MACROD2: variants seen among roughly 807,000 people sequenced by gnomAD.
MACROD2 encodes mono-ADP ribosylhydrolase 2.
MACROD2 carries 36 observed loss-of-function variants against 70.4 expected under a neutral mutation model. That is an observed-to-expected ratio of 0.51 (90% CI 0.39 to 0.68). The LOEUF (loss-of-function observed/expected upper bound fraction) is 0.68. Ranked by LOEUF, MACROD2 falls within the 30% of genes least tolerant of loss-of-function variation. The probability of loss-of-function intolerance (pLI) is 0.00; values close to 1 mark genes in which losing one functional copy is unlikely to be tolerated. For synonymous variants in MACROD2, 172 were observed against 178.8 expected, an observed-to-expected ratio of 0.96 and a Z score of 0.30; for missense variants, 496 against 538.4, an observed-to-expected ratio of 0.92 and a Z score of 0.78.
In MACROD2 at chr20:14,994,120, A is replaced by G. The variant is rs115723169; in HGVS notation, c.419-235820A>G. On this transcript the variant is annotated intron_variant, in intron 5 of 17. Coordinates refer to ENST00000684519, the MANE Select transcript of MACROD2 (RefSeq NM_001351661.2). ...TACATACACAGACATGCCTACATGC[A>G]TGCATATGTGTGTACACATACATGT... Among the ~76,000 whole-genome samples the G allele has an allele frequency of 9.6e-3, 1,467 of 152,270 alleles. 25 individuals are homozygous for G. The highest frequency in any genetic ancestry group is 0.034 in the African/African-American group (1,392 of 41,544).
intron 4 of MACROD2, among the ~76,000 whole-genome samples, chr20:14,640,984 A>T (rs1275441737): frequency 6.6e-6 from 1 of 152,192 alleles, no homozygotes; most frequent in Non-Finnish European, 1.5e-5. Context: ...TCCTTTTATG[A>T]AAGATTTATC....
chr20:14,298,473 C>T (rs1170248321), intron 3 of MACROD2, among the ~76,000 whole-genome samples: 1 of 150,796 alleles, frequency 6.6e-6, no homozygotes, highest in Non-Finnish European at 1.5e-5. Context: ...GAGGCTGAGG[C>T]AGGAGAATCA....
At chr20:15,442,582 TCA>T (rs2046510273) in intron 7 of MACROD2, among the ~76,000 whole-genome samples, 1 of 152,106 alleles carries the variant, frequency 6.6e-6, no homozygotes, top group East Asian at 1.9e-4. Flanking sequence ...TCACTTCCAC[TCA>T]CCTTCCATTT....
intron 15 of MACROD2, among the ~76,000 whole-genome samples, chr20:15,999,176 G>A (rs965682323): frequency 6.6e-6 from 1 of 151,822 alleles, no homozygotes; most frequent in African/African-American, 2.4e-5. Flanking sequence ...TGTAAGTTTT[G>A]TTATATGGTG....
chr20:14,257,946 T>G (rs1278981225), intron 3 of MACROD2, among the ~76,000 whole-genome samples: 1 of 152,322 alleles, frequency 6.6e-6, no homozygotes, highest in East Asian at 1.9e-4. Context: ...CTTTGCATCC[T>G]CATAGCTTGG....
chr20:14,645,362 C>T (rs1985329832), intron 4 of MACROD2, among the ~76,000 whole-genome samples: 1 of 151,554 alleles, frequency 6.6e-6, no homozygotes, highest in African/African-American at 2.4e-5. Context: ...TTTTTAGCAC[C>T]CATAGACTTT....
chr20:16,019,463 T>C (rs1223635279), intron 15 of MACROD2, among the ~76,000 whole-genome samples: 1 of 152,178 alleles, frequency 6.6e-6, no homozygotes, highest in African/African-American at 2.4e-5. Flanking sequence ...TGTGGCACAG[T>C]GTGGCGCTTG....
chr20:14,644,378 A>G lies in MACROD2; in HGVS notation c.302-40465A>G, dbSNP rs557492999. Among the ~76,000 whole-genome samples, 22 of 152,316 alleles carry G rather than the reference A, an allele frequency of 1.4e-4. No homozygotes were observed. The South Asian group carries it at 4.4e-3, about 30-fold the overall frequency. ...AAGCTTGTTTGCTATAATACTATGTAGTGGTTTATTTGCCTTTCTTTGTAA... is the reference window on the plus strand; with the variant it reads ...AAGCTTGTTTGCTATAATACTATGTGGTGGTTTATTTGCCTTTCTTTGTAA... On this transcript the variant is annotated intron_variant, in intron 4 of 17. Coordinates refer to ENST00000684519, the MANE Select transcript of MACROD2 (RefSeq NM_001351661.2).
chr20:15,543,257 C>A (rs1600564156), intron 8 of MACROD2, among the ~76,000 whole-genome samples: 2 of 152,150 alleles, frequency 1.3e-5, no homozygotes, highest in Non-Finnish European at 2.9e-5. Context: ...TGTTACTTAA[C>A]TTTTCTAAGT....
At chr20:15,254,499 T>G (rs981101777) in intron 6 of MACROD2, among the ~76,000 whole-genome samples, 2 of 152,128 alleles carry the variant, frequency 1.3e-5, no homozygotes, top group East Asian at 3.9e-4. Context: ...TCAAATCGTT[T>G]AATACTGGGA....
intron 8 of MACROD2, among the ~76,000 whole-genome samples, chr20:15,600,657 G>T (rs2048806826): frequency 1.3e-5 from 2 of 152,152 alleles, no homozygotes; most frequent in Admixed American, 1.3e-4. Flanking sequence ...TGGGGAGGAA[G>T]GTAACGGCAT....
intron 6 of MACROD2, among the ~76,000 whole-genome samples, chr20:15,248,603 C>T (rs1601297303): frequency 6.6e-6 from 1 of 152,290 alleles, no homozygotes; most frequent in South Asian, 2.1e-4. Context: ...GTCTTGATCT[C>T]CATTACTGAA....
chr20:14,827,028 G>T (rs919837750), intron 5 of MACROD2, among the ~76,000 whole-genome samples: 1 of 152,018 alleles, frequency 6.6e-6, no homozygotes, highest in Non-Finnish European at 1.5e-5. Flanking sequence ...AATTCAGCAC[G>T]CAGAGTGCAC....
intron 5 of MACROD2, among the ~76,000 whole-genome samples, chr20:14,980,764 C>T (rs927108451): frequency 2.6e-5 from 4 of 152,116 alleles, no homozygotes; most frequent in African/African-American, 9.7e-5. Context: ...TCAAGTTTAG[C>T]ACCTAGCTAG....
chr20:16,031,427 A>C (rs2067150218), intron 15 of MACROD2, among the ~76,000 whole-genome samples: 1 of 152,150 alleles, frequency 6.6e-6, no homozygotes, highest in Admixed American at 6.5e-5. Context: ...TGTAACATCT[A>C]TGAAGATTAA....
At chr20:15,403,217 C>T (rs1273155400) in intron 6 of MACROD2, among the ~76,000 whole-genome samples, 3 of 152,186 alleles carry the variant, frequency 2.0e-5, no homozygotes, top group Non-Finnish European at 1.5e-5. Flanking sequence ...ATCCACCCGC[C>T]TCAGCCTCCC....
At chr20:14,107,940 C>T (rs2054393212) in intron 3 of MACROD2, among the ~76,000 whole-genome samples, 1 of 151,996 alleles carries the variant, frequency 6.6e-6, no homozygotes, top group African/African-American at 2.4e-5. Flanking sequence ...TCTGAAGGTA[C>T]AAAATTCACT....
intron 6 of MACROD2, among the ~76,000 whole-genome samples, chr20:15,334,099 TC>T (rs1161483518): frequency 6.6e-6 from 1 of 151,666 alleles, no homozygotes; most frequent in Non-Finnish European, 1.5e-5. Flanking sequence ...AAGTTCTTTG[TC>T]CCCTGTTCCC....
At chr20:14,596,476 AT>A (rs976454151) in intron 4 of MACROD2, among the ~76,000 whole-genome samples, 114 of 150,454 alleles carry the variant, frequency 7.6e-4, no homozygotes, top group Admixed American at 3.4e-3. Context: ...TAACTAAAAT[AT>A]TTTTGAGGAC....
Sources: gnomAD v4.1 joint callset for allele counts (sites outside exome capture counted in the v4.1 genomes callset) on GRCh38, gnomAD v4.1.1 for gene constraint, MANE v1.5 for transcripts, NCBI Gene and HGNC (gene_info 2026-07-23, HGNC 2026-07-21) for gene names.